Variants in NRF1 observed in about 807,000 individuals in gnomAD.
The protein encoded by NRF1 is alpha palindromic-binding protein.
In NRF1, 5 loss-of-function variants were observed where a neutral mutation model predicts 58.5. The observed-to-expected ratio is 0.09, with a 90% CI of 0.04 to 0.18. The LOEUF (loss-of-function observed/expected upper bound fraction) is 0.18. NRF1 is among the 10% of genes least tolerant of loss of function. The pLI is 1.00. For missense variants in NRF1, 288 were observed against 657.7 expected, an observed-to-expected ratio of 0.44 and a Z score of 6.15; for synonymous variants, 224 against 246.7, an observed-to-expected ratio of 0.91 and a Z score of 0.86.
intron 8 of NRF1, among the ~76,000 whole-genome samples, chr7:129,716,012 CA>C (rs1290300125): frequency 1.2e-4 from 18 of 146,514 alleles, no homozygotes; most frequent in African/African-American, 1.3e-4. Context: ...TCTCCAACAA[CA>C]AAAAAAAAAA....
At chr7:129,671,694 T>C in intron 3 of NRF1, 151 bp downstream of exon 3, 1 of 583,650 alleles carries the variant, frequency 1.7e-6, no homozygotes, top group Non-Finnish European at 3.1e-6. Flanking sequence ...CAAAATTAAA[T>C]GCATGAAAAC....
intron 4 of NRF1, among the ~76,000 whole-genome samples, chr7:129,679,503 T>C (rs1802256868): frequency 6.6e-6 from 1 of 152,200 alleles, no homozygotes; most frequent in South Asian, 2.1e-4. Context: ...AGGCAGATCA[T>C]GAGGTCAGGA....
chr7:129,708,982 A>G, intron 5 of NRF1, 93 bp from the exon 6 acceptor site: 1 of 1,105,286 alleles, frequency 9.0e-7, no homozygotes, highest in Non-Finnish European at 1.2e-6. Context: ...CTTCCTGGAA[A>G]CCTCTCTGTT....
chr7:129,675,311 T>C (rs1802150634), intron 3 of NRF1, among the ~76,000 whole-genome samples: 1 of 152,238 alleles, frequency 6.6e-6, no homozygotes, highest in Non-Finnish European at 1.5e-5. Flanking sequence ...TCCGTAAGGC[T>C]TGGAATCAAG....
At chr7:129,744,680 C>T (rs1021206227) in intron 10 of NRF1, among the ~76,000 whole-genome samples, 40 of 152,204 alleles carry the variant, frequency 2.6e-4, no homozygotes, top group South Asian at 1.0e-3. Flanking sequence ...TTCCATCTTA[C>T]TCTAAAGCCC....
At chr7:129,739,039 T>C (rs1354388570) in intron 10 of NRF1, among the ~76,000 whole-genome samples, 2 of 152,252 alleles carry the variant, frequency 1.3e-5, no homozygotes, top group African/African-American at 4.8e-5. Flanking sequence ...GTGGCAGCTA[T>C]GTTTTACTCA....
chr7:129,685,683 A>T (rs990937932), intron 4 of NRF1, among the ~76,000 whole-genome samples: 4 of 151,948 alleles, frequency 2.6e-5, no homozygotes, highest in African/African-American at 9.7e-5. Flanking sequence ...TCTGGAAATA[A>T]CAGTATAAGT....
chr7:129,675,372 T>G (rs761298017), intron 3 of NRF1, among the ~76,000 whole-genome samples: 2 of 152,232 alleles, frequency 1.3e-5, no homozygotes, highest in African/African-American at 2.4e-5. Flanking sequence ...CCCATGTACT[T>G]GCACATGAAT....
chr7:129,624,347 T>C (rs1427805194), intron 1 of NRF1, among the ~76,000 whole-genome samples: 2 of 152,224 alleles, frequency 1.3e-5, no homozygotes, highest in African/African-American at 4.8e-5. Context: ...GTAGATACTG[T>C]GTTGGTGTTC....
intron 1 of NRF1, among the ~76,000 whole-genome samples, chr7:129,647,005 G>A (rs1214941067): frequency 2.0e-5 from 3 of 152,220 alleles, no homozygotes; most frequent in African/African-American, 4.8e-5. Context: ...TTATGGACCC[G>A]AGCCCTGACT....
intron 9 of NRF1, among the ~76,000 whole-genome samples, chr7:129,726,275 C>T (rs2116247578): frequency 6.6e-6 from 1 of 152,328 alleles, no homozygotes; most frequent in Non-Finnish European, 1.5e-5. Flanking sequence ...CACATTTTTA[C>T]ATCTCTGAAA....
chr7:129,718,236 G>A (rs764294393), intron 9 of NRF1, among the ~76,000 whole-genome samples: 3 of 152,022 alleles, frequency 2.0e-5, no homozygotes, highest in Non-Finnish European at 4.4e-5. Flanking sequence ...TAAATTAATG[G>A]TCAAGAGTGT....
chr7:129,678,045 C>A (rs1378190755), intron 4 of NRF1, among the ~76,000 whole-genome samples: 1 of 152,050 alleles, frequency 6.6e-6, no homozygotes, highest in African/African-American at 2.4e-5. Context: ...GAAACCAATG[C>A]AGGATTTTCT....
intron 10 of NRF1, among the ~76,000 whole-genome samples, chr7:129,742,957 A>G (rs566792879): frequency 6.6e-6 from 1 of 152,310 alleles, no homozygotes; most frequent in East Asian, 1.9e-4. Flanking sequence ...AGTGGACCAC[A>G]CTGTTTGAGG....
chr7:129,716,660 C>T (rs989299594), intron 8 of NRF1, among the ~76,000 whole-genome samples: 3 of 152,004 alleles, frequency 2.0e-5, no homozygotes, highest in African/African-American at 7.2e-5. Context: ...TACCTAAGGT[C>T]AGGAGTTTGA....
chr7:129,641,271 A>G (rs890724126), intron 1 of NRF1, among the ~76,000 whole-genome samples: 1 of 152,168 alleles, frequency 6.6e-6, no homozygotes, highest in Non-Finnish European at 1.5e-5. Flanking sequence ...TTTGATATTT[A>G]TATTACTTTG....
In NRF1 at chr7:129,733,109, T is replaced by C. The variant is rs115862885; in HGVS notation, c.1348+5744T>C. The stretch of plus-strand genomic sequence containing the variant: ...TCATCTTTTAAATTTGAAAAAACTT[T>C]TATTCAAAATTCCAAAGAGTGTTTT... On this transcript the variant is annotated intron_variant, in intron 10 of 10. Coordinates refer to ENST00000393232, the MANE Select transcript of NRF1 (RefSeq NM_005011.5). Among the ~76,000 whole-genome samples, 165 of 152,002 alleles carry C rather than the reference T, an allele frequency of 1.1e-3. 1 individual carries two copies. The highest frequency in any genetic ancestry group is 3.8e-3 in the African/African-American group (157 of 41,470).
chr7:129,716,015 A>C (rs35372550), intron 8 of NRF1, among the ~76,000 whole-genome samples: 44,245 of 140,924 alleles, frequency 0.31, 8,121 homozygotes, highest in Non-Finnish European at 0.45. Context: ...CCAACAACAA[A>C]AAAAAAAAAG....
At chr7:129,696,150 AG>A (rs1562973752) in intron 5 of NRF1, among the ~76,000 whole-genome samples, 1 of 151,108 alleles carries the variant, frequency 6.6e-6, no homozygotes, top group African/African-American at 2.4e-5. Context: ...AGGCTGAGGC[AG>A]GAGAATCGCT....
Sources: allele counts gnomAD v4.1 joint callset (sites outside exome capture counted in the v4.1 genomes callset), GRCh38; gene constraint gnomAD v4.1.1; transcripts MANE v1.5; gene names NCBI Gene and HGNC (gene_info 2026-07-23, HGNC 2026-07-21).